The following STIM2 variants were observed in gnomAD, a reference collection of about 807,000 sequenced individuals.
STIM2 encodes stromal interaction molecule 2.
A neutral mutation model predicts 85.8 loss-of-function variants in STIM2; 31 were observed. That is an observed-to-expected ratio of 0.36 (90% CI 0.27 to 0.49). The LOEUF (loss-of-function observed/expected upper bound fraction) is 0.49. Ranked by LOEUF, STIM2 falls within the 20% of genes least tolerant of loss-of-function variation. STIM2 has a pLI of 0.98. For synonymous variants in STIM2, 356 were observed against 331.1 expected (o/e 1.08, Z -0.82); for missense variants, 841 against 927.6 (o/e 0.91, Z 1.21).
intron 1 of STIM2, among the ~76,000 whole-genome samples, chr4:26,886,497 A>G (rs1013112130): frequency 4.6e-5 from 7 of 152,152 alleles, no homozygotes; most frequent in African/African-American, 1.4e-4. Context: ...GGTCAGGGAA[A>G]TCTTCATAGT....
At chr4:26,975,713 G>C (rs763245656) in intron 3 of STIM2, among the ~76,000 whole-genome samples, 3 of 152,232 alleles carry the variant, frequency 2.0e-5, no homozygotes, top group Admixed American at 6.5e-5. Context: ...AGGGATCAGG[G>C]ACCCACTTGA....
chr4:26,875,077 A>G (rs1577408458), intron 1 of STIM2, among the ~76,000 whole-genome samples: 1 of 152,106 alleles, frequency 6.6e-6, no homozygotes, highest in East Asian at 1.9e-4. Flanking sequence ...TAATCTTTTA[A>G]CTCATAGTAT....
chr4:26,877,826 G>C (rs1369701014), intron 1 of STIM2, among the ~76,000 whole-genome samples: 1 of 152,160 alleles, frequency 6.6e-6, no homozygotes, highest in Non-Finnish European at 1.5e-5. Flanking sequence ...CTTTGTGAGA[G>C]TACTGAGAAA....
chr4:26,994,301 C>T (rs907590944), intron 3 of STIM2, among the ~76,000 whole-genome samples: 1 of 152,054 alleles, frequency 6.6e-6, no homozygotes, highest in African/African-American at 2.4e-5. Context: ...TTTTCCTCCC[C>T]ATTCTTTTCT....
rs188974294 is a variant in STIM2, at chr4:27,009,606, A to C, written c.1489+604A>C. ...TTCTCTGGTTTGACAGCAGACAGTT[A>C]ATGCAAGGAGAGTGAGGCGGCACTC... On this transcript the variant is annotated intron_variant, in intron 10 of 11. Coordinates refer to ENST00000467087, the MANE Select transcript of STIM2 (RefSeq NM_020860.4). 5.9e-5 allele frequency among the ~76,000 whole-genome samples: 9 copies of C among 152,332 alleles called. No homozygotes were observed. In the East Asian group the frequency reaches 1.4e-3, roughly 23 times the overall value.
chr4:26,932,275 G>A (rs1162523822), intron 2 of STIM2, among the ~76,000 whole-genome samples: 7 of 152,186 alleles, frequency 4.6e-5, no homozygotes, highest in African/African-American at 1.7e-4. Context: ...ATCTTCAAAG[G>A]ATGGTGAATC....
chr4:27,009,127 T>A, intron 10 of STIM2, 125 bp downstream of exon 10: 2 of 713,036 alleles, frequency 2.8e-6, no homozygotes, highest in Non-Finnish European at 4.7e-6. Flanking sequence ...CATTTTCTCT[T>A]TCTTTTTGTT....
rs1357531857 is a variant in STIM2, at chr4:26,861,153, C to G, written c.-66C>G. 2.3e-6 allele frequency: 3 copies of G among 1,325,732 alleles called. No homozygotes were observed. Among genetic ancestry groups the G allele is most frequent in the South Asian group, 2.0e-5 (1 of 49,678 alleles). 82.1% of individuals were successfully genotyped at this position (1,325,732 alleles called of 1,614,324 possible). ...CTTTCACCCGGCTTCTCCTCGGCGCCTTCATCCCGCCTCGACTCCTGGCCC... is the reference window on the plus strand; with the variant it reads ...CTTTCACCCGGCTTCTCCTCGGCGCGTTCATCCCGCCTCGACTCCTGGCCC... On this transcript the variant is annotated 5_prime_UTR_variant, in exon 1 of 12. Coordinates refer to ENST00000467087, the MANE Select transcript of STIM2 (RefSeq NM_020860.4).
At chr4:27,007,812 C>G in intron 8 of STIM2, 112 bp downstream of exon 8, 1 of 1,201,348 alleles carries the variant, frequency 8.3e-7, no homozygotes, top group East Asian at 2.6e-5. Flanking sequence ...ATTACAGATT[C>G]TTTTTTCAAA....
chr4:26,867,380 T>G (rs1722447512), intron 1 of STIM2, among the ~76,000 whole-genome samples: 1 of 152,244 alleles, frequency 6.6e-6, no homozygotes, highest in African/African-American at 2.4e-5. Flanking sequence ...TGTGATGATT[T>G]ACAAAGTTGT....
intron 1 of STIM2, among the ~76,000 whole-genome samples, chr4:26,867,070 T>C (rs1338784794): frequency 6.6e-6 from 1 of 152,162 alleles, no homozygotes; most frequent in East Asian, 1.9e-4. Context: ...GTTAGGAAAC[T>C]ATTTAGAAGG....
At chr4:26,862,962 G>A (rs1722273792) in intron 1 of STIM2, among the ~76,000 whole-genome samples, 1 of 152,130 alleles carries the variant, frequency 6.6e-6, no homozygotes, top group Admixed American at 6.5e-5. Flanking sequence ...TAGGTTTCTC[G>A]AGCAGAAAAA....
intron 1 of STIM2, among the ~76,000 whole-genome samples, chr4:26,879,728 G>A (rs1560192110): frequency 6.6e-6 from 1 of 152,148 alleles, no homozygotes; most frequent in East Asian, 1.9e-4. Context: ...CATAATATAT[G>A]TAACTATTCC....
At chr4:26,975,722 G>A (rs1368902894) in intron 3 of STIM2, among the ~76,000 whole-genome samples, 1 of 152,242 alleles carries the variant, frequency 6.6e-6, no homozygotes, top group Non-Finnish European at 1.5e-5. Context: ...GGACCCACTT[G>A]AGGCAGTCTG....
chr4:26,876,144 G>A (rs1480349177), intron 1 of STIM2, among the ~76,000 whole-genome samples: 2 of 152,136 alleles, frequency 1.3e-5, no homozygotes, highest in East Asian at 3.8e-4. Context: ...GACTGATTTG[G>A]ATGAATCAAA....
chr4:27,018,693 A>G (rs1728816868), intron 11 of STIM2, among the ~76,000 whole-genome samples: 1 of 152,212 alleles, frequency 6.6e-6, no homozygotes, highest in Non-Finnish European at 1.5e-5. Context: ...ATGTAGGTAG[A>G]TATTTTGAGA....
At chr4:26,886,942 T>A (rs1723274083) in intron 1 of STIM2, among the ~76,000 whole-genome samples, 1 of 152,158 alleles carries the variant, frequency 6.6e-6, no homozygotes, top group South Asian at 2.1e-4. Flanking sequence ...TTGTTAGCTA[T>A]GGAGGTGGTA....
intron 1 of STIM2, among the ~76,000 whole-genome samples, chr4:26,895,814 A>G (rs1010312078): frequency 2.6e-5 from 4 of 152,162 alleles, no homozygotes; most frequent in African/African-American, 9.7e-5. Flanking sequence ...TACTACCTCA[A>G]AGTCATTCTC....
rs535567695 is a variant in STIM2 at position 26,876,353 on chromosome 4, C to T, written c.151+14984C>T. On this transcript the variant is annotated intron_variant, in intron 1 of 11. Transcript: ENST00000467087. ...TAGGTCTTTGGATCGTAGCACTTCC[C>T]ACTTTTGAGTCACAGGAATACACTT... Among the ~76,000 whole-genome samples the T allele has an allele frequency of 2.6e-5, 4 of 152,256 alleles. No homozygotes were observed. In the East Asian group the frequency reaches 7.7e-4, roughly 29 times the overall value.
Sources: allele counts gnomAD v4.1 joint callset (sites outside exome capture counted in the v4.1 genomes callset), GRCh38; gene constraint gnomAD v4.1.1; transcripts MANE v1.5; gene names NCBI Gene and HGNC (gene_info 2026-07-23, HGNC 2026-07-21).